Variants in DDB1 observed in about 807,000 individuals in gnomAD.
DDB1 encodes the protein DNA damage-binding protein 1.
In DDB1, 18 loss-of-function variants were observed where a neutral mutation model predicts 133.1. The observed-to-expected ratio is 0.14, with a 90% CI of 0.09 to 0.20. DDB1 has a LOEUF of 0.20. Ranked by LOEUF, DDB1 falls within the 10% of genes least tolerant of loss-of-function variation. The probability of loss-of-function intolerance (pLI) is 1.00; values close to 1 mark genes in which losing one functional copy is unlikely to be tolerated. For synonymous variants in DDB1, 580 were observed against 550.5 expected (o/e 1.05, Z -0.75); for missense variants, 828 against 1,459.2 (o/e 0.57, Z 7.05).
chr11:61,301,720 C>T (rs2134890848), intron 25 of DDB1: 1 of 152,864 alleles, frequency 6.5e-6, no homozygotes, highest in Middle Eastern at 3.4e-3. Context: ...TAGAGCAGGG[C>T]CAGAGTCACA....
At chr11:61,332,035 C>T in intron 1 of DDB1, 1 of 191,204 alleles carries the variant, frequency 5.2e-6, no homozygotes, top group Non-Finnish European at 1.1e-5. Context: ...TTGAGAATGC[C>T]GGAGAAAGTG....
At chr11:61,324,946 C>G (rs1425387321) in intron 6 of DDB1, among the ~76,000 whole-genome samples, 2 of 152,036 alleles carry the variant, frequency 1.3e-5, no homozygotes, top group Non-Finnish European at 2.9e-5. Context: ...GTCGGGAGTT[C>G]AAGACCAGCC....
chr11:61,318,460 G>A (rs1301354711), intron 10 of DDB1, among the ~76,000 whole-genome samples: 3 of 152,022 alleles, frequency 2.0e-5, no homozygotes, highest in African/African-American at 7.2e-5. Context: ...TCAAACTTCT[G>A]GATTTTGGTC....
chr11:61,306,577 C>T (rs1717636181), intron 21 of DDB1, among the ~76,000 whole-genome samples: 1 of 152,216 alleles, frequency 6.6e-6, no homozygotes, highest in Non-Finnish European at 1.5e-5. Flanking sequence ...CTGACCCCTT[C>T]TTTCCCACTT....
At chr11:61,316,627 T>G in intron 10 of DDB1, 60 bp from the exon 11 acceptor site, 6 of 1,571,488 alleles carry the variant, frequency 3.8e-6, no homozygotes, top group South Asian at 1.1e-5. Flanking sequence ...CATGCATATC[T>G]ACGGACAGGG....
At chr11:61,330,181 T>G in intron 2 of DDB1, 107 bp from the exon 3 acceptor site, 1 of 841,990 alleles carries the variant, frequency 1.2e-6, no homozygotes, top group Non-Finnish European at 1.9e-6. Context: ...AATTCTTCTC[T>G]CCCTAAAGAG....
At chr11:61,305,395 T>C (rs1231569648) in intron 21 of DDB1, among the ~76,000 whole-genome samples, 1 of 152,156 alleles carries the variant, frequency 6.6e-6, no homozygotes, top group Non-Finnish European at 1.5e-5. Context: ...TAATCCCAGC[T>C]ACTCGGGAGG....
chr11:61,300,747 C>T, intron 26 of DDB1, 62 bp downstream of exon 26: 1 of 1,599,672 alleles, frequency 6.3e-7, no homozygotes, highest in Non-Finnish European at 8.5e-7. Flanking sequence ...GAGACAGTCT[C>T]CTGGCATGCC....
At chr11:61,300,730 G>T (rs998115719) in intron 26 of DDB1, 79 bp downstream of exon 26, 3 of 1,575,018 alleles carry the variant, frequency 1.9e-6, no homozygotes, top group Non-Finnish European at 2.6e-6. Context: ...AGGAGGAGAG[G>T]TGCCCAGAGA....
rs892468811 is a variant in DDB1, at chr11:61,303,339, T to C, written c.2833-184A>G. ...CTCTCTGCCAACGCAGCCCATTTGG[T>C]TGCCAACTGCCCAGAGATGGAGCCT... On this transcript the variant is annotated intron_variant, in intron 22 of 26. Transcript: ENST00000301764. 6 of 562,604 alleles carry C rather than the reference T, an allele frequency of 1.1e-5. No individual in the cohort carries two copies. The Admixed American group carries it at 1.6e-4, about 15-fold the overall frequency. The allele number at this position is 562,604 out of a possible 1,614,324, so 34.9% of individuals were successfully genotyped here.
At chr11:61,312,569 G>A (rs1356318872) in intron 16 of DDB1, among the ~76,000 whole-genome samples, 1 of 149,480 alleles carries the variant, frequency 6.7e-6, no homozygotes, top group Non-Finnish European at 1.5e-5. Flanking sequence ...GAGTGCAGCG[G>A]TGAAATCTAA....
intron 10 of DDB1, among the ~76,000 whole-genome samples, chr11:61,320,075 G>A (rs771742047): frequency 2.6e-5 from 4 of 152,006 alleles, no homozygotes; most frequent in African/African-American, 4.8e-5. Context: ...ATTAATTTCA[G>A]TACATTACTT....
rs540163732 is a variant in DDB1 at position 61,331,591 on chromosome 11, C to T, written c.162G>A (p.Glu54=). The T allele has an allele frequency of 9.9e-6, 16 of 1,614,214 alleles. No homozygotes were observed. Among genetic ancestry groups the T allele is most frequent in the African/African-American group, 2.7e-5 (2 of 75,044 alleles). The change falls in exon 2 of 27, where the codon GAG becomes GAA. Residue 54 remains glutamate (E), a synonymous_variant. Coordinates refer to ENST00000301764, the MANE Select transcript of DDB1 (RefSeq NM_001923.5). ...CCGCAATCTTCCCATACATGCCCAC[C>T]TCTTTGACGGGCCGAAGCCCCTCGG... ...VTAEGLRPVK[E]VGMYGKIAVM...
chr11:61,325,933 G>A (rs573561590), intron 5 of DDB1: 20 of 609,562 alleles, frequency 3.3e-5, no homozygotes, highest in African/African-American at 2.9e-4. Context: ...CTCTTCTGGT[G>A]TTCGACTATT....
intron 4 of DDB1, among the ~76,000 whole-genome samples, chr11:61,327,135 A>C (rs1856282590): frequency 6.6e-6 from 1 of 152,154 alleles, no homozygotes; most frequent in African/African-American, 2.4e-5. Context: ...AGGTTTAAAG[A>C]ATTAGAAAAA....
At chr11:61,321,977 T>A (rs1456514716) in intron 9 of DDB1, 1 of 543,570 alleles carries the variant, frequency 1.8e-6, no homozygotes, top group Admixed American at 3.2e-5. Flanking sequence ...CAGGATCTGT[T>A]AGATACACCT....
chr11:61,303,037 A>G lies in DDB1; in HGVS notation c.2942+9T>C. The stretch of plus-strand genomic sequence containing the variant: ...CTCCCCACCACTCCCAGAGCTGGCC[A>G]CTACTCACCTATCCTTTTGACACAC... On this transcript the variant is annotated intron_variant, in intron 23 of 26. Coordinates refer to ENST00000301764, the MANE Select transcript of DDB1 (RefSeq NM_001923.5). The G allele has an allele frequency of 6.2e-7, 1 of 1,612,804 alleles. No individual in the cohort carries two copies. The highest frequency in any genetic ancestry group is 8.5e-7 in the Non-Finnish European group (1 of 1,178,826).
intron 1 of DDB1, 46 bp from the exon 2 acceptor site, chr11:61,331,737 C>G (rs1283067754): frequency 1.2e-6 from 2 of 1,609,338 alleles, no homozygotes; most frequent in Non-Finnish European, 8.5e-7. Flanking sequence ...GGAAGGGCCT[C>G]CCATCCCTTC....
intron 10 of DDB1, among the ~76,000 whole-genome samples, chr11:61,316,948 TATATATATATATATATA>T (rs1856085076): frequency 2.5e-4 from 1 of 4,000 alleles, no homozygotes; most frequent in Non-Finnish European, 4.5e-4. Context: ...AAAGGATAGA[TATATATATATATATATA>T]TATATATATA....
Sources: gnomAD v4.1 joint callset for allele counts (sites outside exome capture counted in the v4.1 genomes callset) on GRCh38, gnomAD v4.1.1 for gene constraint, MANE v1.5 for transcripts, NCBI Gene and HGNC (gene_info 2026-07-23, HGNC 2026-07-21) for gene names.